ZNF160: variants seen among roughly 807,000 people sequenced by gnomAD.
ZNF160 encodes KRAB zinc finger protein KR18.
A neutral mutation model predicts 13.1 loss-of-function variants in ZNF160; 9 were observed. That is an observed-to-expected ratio of 0.69 (90% confidence interval 0.41 to 1.20). ZNF160 has a LOEUF of 1.20. ZNF160 is among the 50% of genes most tolerant of loss of function. The pLI is 0.01. For missense variants in ZNF160, 838 were observed against 988.0 expected, an observed-to-expected ratio of 0.85 and a Z score of 2.04; for synonymous variants, 293 against 333.2, an observed-to-expected ratio of 0.88 and a Z score of 1.31.
Position 53,068,246 on chromosome 19 carries a change from C to T in ZNF160, c.2288G>A (p.Cys763Tyr), listed in dbSNP as rs2084028540. 2 of 1,614,168 alleles carry T rather than the reference C, an allele frequency of 1.2e-6. No homozygotes were observed. Among genetic ancestry groups the T allele is most frequent in the African/African-American group, 1.3e-5 (1 of 75,052 alleles). Residue 763 changes from cysteine (C) to tyrosine (Y), a missense_variant, in exon 6 of 6, where the codon TGT becomes TAT. Physicochemically the swap from Cys to Tyr is radical, Grantham distance 194. Transcript: ENST00000683776. ...CCTAAAGGCTTTCCCACACTCTGTA[C>T]ACCTGTAAGGTTTCTCCCCAGTATG... is the stretch of plus-strand genomic sequence containing the variant. Reference protein sequence around the residue: ...RIHTGEKPYRCTECGKAFRVR... With the variant: ...RIHTGEKPYRYTECGKAFRVR...
At position 53,068,774 on chromosome 19, in the gene ZNF160, T is replaced by A; in HGVS notation, c.1760A>T (p.His587Leu). The change falls in exon 6 of 6, where the codon CAT becomes CTT. Residue 587 changes from histidine to leucine, a missense_variant. Physicochemically the swap from His to Leu is moderately conservative, Grantham distance 99. This residue lies in a region of ZNF160 where 400 missense variants were observed against 538.9 expected (regional missense o/e 0.74). Transcript: ENST00000683776. The part of the protein sequence containing the change: ...TSQLARHWRV[H>L]TGEKPYKCND... ...ACACTTGTAAGGTTTTTCTCCAGTA[T>A]GAACTCTCCAATGCCTTGCAAGTTG... The A allele has an allele frequency of 6.2e-7, 1 of 1,612,896 alleles. No homozygotes were observed. Among genetic ancestry groups the A allele is most frequent in the Non-Finnish European group, 8.5e-7 (1 of 1,178,896 alleles).
intron 1 of ZNF160, among the ~76,000 whole-genome samples, chr19:53,099,404 C>T (rs8113824): frequency 0.16 from 24,328 of 152,104 alleles, 2,231 homozygotes; most frequent in African/African-American, 0.23. Context: ...GGGCAAGCTC[C>T]CAGGAGGAGG....
At chr19:53,074,498 T>A (rs575362742) in intron 4 of ZNF160, among the ~76,000 whole-genome samples, 3 of 151,666 alleles carry the variant, frequency 2.0e-5, no homozygotes, top group African/African-American at 7.3e-5. Context: ...AAACCCTGTC[T>A]CTACTAAAAA....
At chr19:53,092,462 C>T (rs1320012100) in intron 1 of ZNF160, among the ~76,000 whole-genome samples, 1 of 152,134 alleles carries the variant, frequency 6.6e-6, no homozygotes, top group African/African-American at 2.4e-5. Flanking sequence ...AGGCACACGC[C>T]ACTAGGCCCA....
chr19:53,073,460 G>A (rs1269003440), intron 5 of ZNF160: 1 of 1,598,250 alleles, frequency 6.3e-7, no homozygotes, highest in South Asian at 1.1e-5. Flanking sequence ...GAGGTTTGGG[G>A]CAGCAGATGC....
chr19:53,083,603 T>C (rs1194852136), intron 3 of ZNF160, among the ~76,000 whole-genome samples: 5 of 152,172 alleles, frequency 3.3e-5, no homozygotes, highest in Admixed American at 1.3e-4. Flanking sequence ...AGTGCGTATA[T>C]AAAGAATTAA....
At position 53,069,877 on chromosome 19, in the gene ZNF160, T is replaced by C. The variant is rs572963882; in HGVS notation, c.657A>G (p.Pro219=). 6.2e-7 allele frequency: 1 copy of C among 1,614,154 alleles called. No homozygotes were observed. The highest frequency in any genetic ancestry group is 2.2e-5 in the East Asian group (1 of 44,884). The change falls in exon 6 of 6, where the codon CCA becomes CCG. Residue 219 remains proline (P), a synonymous_variant. Transcript: ENST00000683776. The surrounding 1 kb of genome is among the most constrained non-coding windows in gnomAD (Gnocchi z 4.4). ...GGACACTAGAAGGAATTTGTTGAAGTGGTGACACTGAGGAACCATTGTTGG... is the reference window on the plus strand; with the variant it reads ...GGACACTAGAAGGAATTTGTTGAAGCGGTGACACTGAGGAACCATTGTTGG... ...KSTNNGSSVS[P]LQQIPSSVQT...
intron 3 of ZNF160, among the ~76,000 whole-genome samples, chr19:53,077,831 T>G (rs751974345): frequency 6.6e-6 from 1 of 151,906 alleles, no homozygotes; most frequent in Non-Finnish European, 1.5e-5. Flanking sequence ...ATTAAGACAG[T>G]ACTCATAAAC....
At chr19:53,084,047 T>C (rs117736965) in intron 3 of ZNF160, among the ~76,000 whole-genome samples, 5,477 of 152,256 alleles carry the variant, frequency 0.036, 148 homozygotes, top group Non-Finnish European at 0.055. Flanking sequence ...CATCCAACTA[T>C]GTGCTTCGAG....
At chr19:53,073,319 G>C (rs748198245) in intron 5 of ZNF160, 1 of 1,593,902 alleles carries the variant, frequency 6.3e-7, no homozygotes, top group Non-Finnish European at 8.5e-7. Context: ...TGTCTTTACG[G>C]TTATGCTGAG....
intron 3 of ZNF160, among the ~76,000 whole-genome samples, chr19:53,084,609 CAA>C (rs1222166943): frequency 1.3e-5 from 2 of 152,122 alleles, no homozygotes; most frequent in Non-Finnish European, 2.9e-5. Context: ...GAAAATGGAG[CAA>C]AGTATAAAAA....
chr19:53,071,223 C>T (rs535348404), intron 5 of ZNF160, among the ~76,000 whole-genome samples: 1 of 151,874 alleles, frequency 6.6e-6, no homozygotes, highest in South Asian at 2.1e-4. Flanking sequence ...ATTAGTTTGG[C>T]ATGCTGGCAT....
chr19:53,072,554 TA>T (rs1009131959), intron 5 of ZNF160, among the ~76,000 whole-genome samples: 1 of 151,118 alleles, frequency 6.6e-6, no homozygotes, highest in African/African-American at 2.4e-5. Flanking sequence ...TGTGGAAACT[TA>T]AAAAAAAAAT....
At chr19:53,080,482 A>AC (rs1269029954) in intron 3 of ZNF160, among the ~76,000 whole-genome samples, 2 of 152,128 alleles carry the variant, frequency 1.3e-5, no homozygotes, top group Admixed American at 6.6e-5. Context: ...AAATAGCCAC[A>AC]CCCCCCAAAA....
rs758364818 is a variant in ZNF160 at position 53,074,284 on chromosome 19, A to G, written c.143-16T>C. 2.9e-5 allele frequency: 47 copies of G among 1,613,194 alleles called. No homozygotes were observed. The South Asian group carries it at 3.8e-4, about 13-fold the overall frequency. On this transcript the variant is annotated splice_polypyrimidine_tract_variant and intron_variant, in intron 4 of 5. Transcript: ENST00000683776. ...TGACACAGTCCTGTTTATAAAAAGAAAGGATCACAATGTGCCGGGGCTTTT... is the reference window on the plus strand; with the variant it reads ...TGACACAGTCCTGTTTATAAAAAGAGAGGATCACAATGTGCCGGGGCTTTT...
intron 3 of ZNF160, 23 bp downstream of exon 3, chr19:53,086,239 A>C (rs775650916): frequency 6.4e-7 from 1 of 1,574,522 alleles, no homozygotes; most frequent in South Asian, 1.2e-5. Context: ...TAAAAGAACA[A>C]TCCACCAGGA....
At chr19:53,072,860 A>T in intron 5 of ZNF160, 3 of 736,004 alleles carry the variant, frequency 4.1e-6, no homozygotes, top group Non-Finnish European at 5.0e-6. Flanking sequence ...TAAAAAAAAA[A>T]TTATTGTCCG....
chr19:53,089,780 A>T (rs1480682111), intron 2 of ZNF160, among the ~76,000 whole-genome samples: 1 of 151,672 alleles, frequency 6.6e-6, no homozygotes, highest in African/African-American at 2.4e-5. Context: ...TCCCTCTCTC[A>T]TTCTGTACAT....
intron 2 of ZNF160, 113 bp from the exon 3 acceptor site, chr19:53,086,434 T>A: frequency 1.2e-6 from 1 of 827,750 alleles, no homozygotes; most frequent in Non-Finnish European, 1.7e-6. Flanking sequence ...CGCACAGATC[T>A]CACCCTGTGG....
Sources: allele counts gnomAD v4.1 joint callset (sites outside exome capture counted in the v4.1 genomes callset), GRCh38; gene constraint gnomAD v4.1.1; regional missense constraint gnomAD v4.1.1; non-coding constraint Gnocchi (gnomAD v3.1); transcripts MANE v1.5; gene names NCBI Gene and HGNC (gene_info 2026-07-23, HGNC 2026-07-21).